The following SPOCK1 variants were observed in gnomAD, a reference collection of about 807,000 sequenced individuals.
SPOCK1 encodes testican-1.
In SPOCK1, 23 loss-of-function variants were observed where a neutral mutation model predicts 55.3. That is an observed-to-expected ratio of 0.42 (90% CI 0.30 to 0.59). SPOCK1 has a LOEUF of 0.59. Ranked by LOEUF, SPOCK1 falls within the 20% of genes least tolerant of loss-of-function variation. The pLI is 0.22. For missense variants in SPOCK1, 499 were observed against 552.5 expected, an observed-to-expected ratio of 0.90 and a Z score of 0.97; for synonymous variants, 226 against 221.0, an observed-to-expected ratio of 1.02 and a Z score of -0.20.
intron 2 of SPOCK1, among the ~76,000 whole-genome samples, chr5:137,345,080 T>C (rs1433499690): frequency 2.0e-5 from 3 of 152,164 alleles, no homozygotes; most frequent in Non-Finnish European, 4.4e-5. Context: ...TCACACAATA[T>C]AGATCAATAT....
chr5:137,223,354 G>T (rs6894483), intron 3 of SPOCK1, among the ~76,000 whole-genome samples: 59,825 of 151,512 alleles, frequency 0.39, 12,873 homozygotes, highest in Non-Finnish European at 0.47. Context: ...AACAGGTGTA[G>T]CTATGGGGGA....
chr5:137,444,971 G>A (rs375681463), intron 2 of SPOCK1, among the ~76,000 whole-genome samples: 6 of 152,188 alleles, frequency 3.9e-5, no homozygotes, highest in African/African-American at 1.4e-4. Context: ...TCTTGGGTTA[G>A]GGGCTTGTCC....
chr5:136,984,298 CTCTATTCATTTCCT>C (rs1355893212), intron 9 of SPOCK1, among the ~76,000 whole-genome samples: 1 of 146,174 alleles, frequency 6.8e-6, no homozygotes, highest in African/African-American at 2.6e-5. Flanking sequence ...CCATTTCCTT[CTCTATTCATTTCCT>C]TCAAATGAAT....
chr5:137,273,024 A>T (rs1757000406), intron 2 of SPOCK1, among the ~76,000 whole-genome samples: 1 of 152,200 alleles, frequency 6.6e-6, no homozygotes. Context: ...AATTGGTCTG[A>T]CATTTGGTTT....
intron 3 of SPOCK1, among the ~76,000 whole-genome samples, chr5:137,257,848 C>T (rs988694722): frequency 3.9e-5 from 6 of 152,324 alleles, no homozygotes; most frequent in East Asian, 1.9e-4. Context: ...ACCTCAAACA[C>T]ATCCTTTGAG....
intron 2 of SPOCK1, among the ~76,000 whole-genome samples, chr5:137,396,598 T>G (rs562173555): frequency 1.2e-4 from 18 of 152,342 alleles, no homozygotes; most frequent in Middle Eastern, 3.4e-3. Context: ...CAGCTACCTA[T>G]GAGCACACAT....
intron 2 of SPOCK1, among the ~76,000 whole-genome samples, chr5:137,306,725 C>T (rs1264104007): frequency 1.3e-5 from 2 of 151,028 alleles, no homozygotes; most frequent in Admixed American, 1.3e-4. Flanking sequence ...TTTTTCAGAC[C>T]CGACCATGTT....
chr5:137,159,465 A>AC (rs1242267620), intron 3 of SPOCK1, among the ~76,000 whole-genome samples: 2 of 150,928 alleles, frequency 1.3e-5, no homozygotes, highest in South Asian at 2.1e-4. Context: ...TTTATCCTTC[A>AC]CCCCCACCAA....
At chr5:137,408,910 CCA>C (rs372722764) in intron 2 of SPOCK1, among the ~76,000 whole-genome samples, 98 of 152,322 alleles carry the variant, frequency 6.4e-4, no homozygotes, top group Middle Eastern at 3.4e-3. Context: ...GAGGATAACT[CCA>C]CTTTCCTCAC....
intron 3 of SPOCK1, among the ~76,000 whole-genome samples, chr5:137,221,578 TTCAG>T (rs1397374855): frequency 6.6e-6 from 1 of 152,216 alleles, no homozygotes; most frequent in Non-Finnish European, 1.5e-5. Context: ...TATTTTCAGT[TTCAG>T]TCAATGACTG....
intron 2 of SPOCK1, among the ~76,000 whole-genome samples, chr5:137,476,924 C>CA (rs533328170): frequency 7.6e-5 from 11 of 144,980 alleles, no homozygotes; most frequent in Middle Eastern, 3.5e-3. Context: ...GACTCTGTCT[C>CA]AAAAAAAAAA....
chr5:137,120,486 C>T (rs1388350833), intron 4 of SPOCK1, among the ~76,000 whole-genome samples: 1 of 152,222 alleles, frequency 6.6e-6, no homozygotes, highest in Non-Finnish European at 1.5e-5. Context: ...CTCACCTGGA[C>T]TGCACAATGG....
intron 2 of SPOCK1, among the ~76,000 whole-genome samples, chr5:137,455,490 C>T (rs909342760): frequency 1.3e-5 from 2 of 152,160 alleles, no homozygotes; most frequent in Admixed American, 6.5e-5. Context: ...AGAAGAATAG[C>T]TGCTTCTTGG....
chr5:137,150,396 G>A (rs919461239), intron 3 of SPOCK1, among the ~76,000 whole-genome samples: 1 of 152,084 alleles, frequency 6.6e-6, no homozygotes, highest in Non-Finnish European at 1.5e-5. Flanking sequence ...TGGGCACTAG[G>A]TTCACACAAC....
chr5:137,022,653 T>G (rs1010927028), intron 6 of SPOCK1, among the ~76,000 whole-genome samples: 4 of 152,174 alleles, frequency 2.6e-5, no homozygotes, highest in African/African-American at 4.8e-5. Flanking sequence ...AGCTTCAATT[T>G]CCCTAAGCGA....
chr5:137,400,422 A>G (rs1288598059), intron 2 of SPOCK1, among the ~76,000 whole-genome samples: 1 of 152,146 alleles, frequency 6.6e-6, no homozygotes, highest in Non-Finnish European at 1.5e-5. Flanking sequence ...TAGATAGGAG[A>G]CCACTGAAGT....
At chr5:137,444,595 TC>T (rs1404537735) in intron 2 of SPOCK1, among the ~76,000 whole-genome samples, 2 of 152,014 alleles carry the variant, frequency 1.3e-5, no homozygotes, top group East Asian at 3.9e-4. Flanking sequence ...AGCAACAAGC[TC>T]CTGAGATACA....
intron 3 of SPOCK1, among the ~76,000 whole-genome samples, chr5:137,223,390 C>G (rs1054486228): frequency 6.6e-6 from 1 of 151,694 alleles, no homozygotes; most frequent in Admixed American, 6.6e-5. Flanking sequence ...GTATTAAAAA[C>G]AGCATGAAAT....
intron 2 of SPOCK1, among the ~76,000 whole-genome samples, chr5:137,476,310 G>A (rs1176348633): frequency 6.6e-6 from 1 of 152,174 alleles, no homozygotes; most frequent in Non-Finnish European, 1.5e-5. Context: ...GAAAAGAGAA[G>A]CAGAGAACAA....
Sources: allele counts gnomAD v4.1 joint callset (sites outside exome capture counted in the v4.1 genomes callset), GRCh38; gene constraint gnomAD v4.1.1; transcripts MANE v1.5; gene names NCBI Gene and HGNC (gene_info 2026-07-23, HGNC 2026-07-21).